The following LEMD3 variants were observed in gnomAD, a reference collection of about 807,000 sequenced individuals.
LEMD3 encodes the protein LEM domain containing 3, also known as inner nuclear membrane protein Man1.
A neutral mutation model predicts 95.2 loss-of-function variants in LEMD3; 33 were observed. The ratio of observed to expected loss-of-function variants is 0.35; its 90% CI spans 0.26 to 0.46. The LOEUF (loss-of-function observed/expected upper bound fraction) is 0.46. LEMD3 is among the 20% of genes least tolerant of loss of function. LEMD3 has a pLI of 1.00. For missense variants in LEMD3, 1,210 were observed against 1,192.8 expected (o/e 1.01, Z -0.21); for synonymous variants, 525 against 474.6 (o/e 1.11, Z -1.38).
At chr12:65,222,747 T>A (rs980977885) in intron 4 of LEMD3, among the ~76,000 whole-genome samples, 3 of 152,060 alleles carry the variant, frequency 2.0e-5, no homozygotes, top group African/African-American at 7.2e-5. Context: ...ATTTCTCATT[T>A]GAGATTTTTT....
intron 1 of LEMD3, among the ~76,000 whole-genome samples, chr12:65,172,864 T>C (rs1458429470): frequency 6.6e-6 from 1 of 152,128 alleles, no homozygotes; most frequent in African/African-American, 2.4e-5. Context: ...TAGCTGGGAC[T>C]ACATGCGCGT....
At position 65,240,034 on chromosome 12, in the gene LEMD3, T is replaced by C; in HGVS notation, c.2023+4T>C. The C allele has an allele frequency of 1.3e-6, 2 of 1,586,342 alleles. No homozygotes were observed. The highest frequency in any genetic ancestry group is 1.7e-6 in the Non-Finnish European group (2 of 1,154,818). ...GATATGGTGGTAAAGATTATAGGTA[T>C]GATATTTGTAAGAATCTCAACTATT... On this transcript the variant is annotated splice_donor_region_variant and intron_variant, in intron 7 of 12. Transcript: ENST00000308330.
At chr12:65,202,297 C>T (rs1384919429) in intron 1 of LEMD3, among the ~76,000 whole-genome samples, 5 of 152,016 alleles carry the variant, frequency 3.3e-5, no homozygotes, top group East Asian at 1.9e-4. Flanking sequence ...GGATTACAGG[C>T]GTGAACCACT....
chr12:65,187,182 A>G (rs936563747), intron 1 of LEMD3, among the ~76,000 whole-genome samples: 7 of 152,266 alleles, frequency 4.6e-5, no homozygotes, highest in Admixed American at 4.6e-4. Flanking sequence ...ACTTTAGGCA[A>G]TATTAGCTAC....
At chr12:65,213,573 GAGCTT>G (rs1379451509) in intron 2 of LEMD3, among the ~76,000 whole-genome samples, 1 of 152,144 alleles carries the variant, frequency 6.6e-6, no homozygotes, top group African/African-American at 2.4e-5. Flanking sequence ...AACTATAGTT[GAGCTT>G]TCTGAGTTCT....
chr12:65,169,963 G>C lies in LEMD3; in HGVS notation c.367G>C (p.Gly123Arg). The C allele has an allele frequency of 1.4e-6, 2 of 1,460,192 alleles. No homozygotes were observed. The highest frequency in any genetic ancestry group is 2.9e-5 in the Admixed American group (1 of 34,648). The allele number at this position is 1,460,192 out of a possible 1,614,324, so 90.5% of individuals were successfully genotyped here. A position where few individuals can be genotyped will look rare whatever the true frequency, so the allele number is the denominator to read the frequency against. Residue 123 changes from glycine to arginine, a missense_variant, in exon 1 of 13, where the codon GGG becomes CGG. Gly to Arg is a moderately radical substitution (Grantham distance 125). This residue lies in a region of LEMD3 where 749 missense variants were observed against 622.9 expected (regional missense o/e 1.20). Coordinates refer to ENST00000308330, the MANE Select transcript of LEMD3 (RefSeq NM_014319.5). ...CCCAGAGAGCCTCCTGGGAGGGCCC[G>C]GGGGCGCCTCCGCCGCCCCCGCGGC... ...SGPESLLGGP[G>R]GASAAPAAGS...
intron 4 of LEMD3, among the ~76,000 whole-genome samples, chr12:65,238,044 G>A (rs1252871093): frequency 6.6e-6 from 1 of 152,118 alleles, no homozygotes; most frequent in African/African-American, 2.4e-5. Flanking sequence ...CAAGGCTGGC[G>A]GATCACTTGA....
chr12:65,203,537 T>C (rs1166091815), intron 1 of LEMD3, among the ~76,000 whole-genome samples: 1 of 152,192 alleles, frequency 6.6e-6, no homozygotes. Flanking sequence ...AAATTTGTTA[T>C]GGCATGTTTT....
intron 1 of LEMD3, among the ~76,000 whole-genome samples, chr12:65,204,143 A>G (rs75507921): frequency 1.3e-5 from 2 of 151,448 alleles, no homozygotes; most frequent in African/African-American, 2.4e-5. Context: ...AATGTCATCA[A>G]TAGCTTCTAA....
rs1159542782 is a variant in LEMD3, at chr12:65,174,261, A to AG, written c.1522+3148dup. On this transcript the variant is annotated intron_variant, in intron 1 of 12. Transcript: ENST00000308330. Reference sequence around the variant, plus strand: ...TCTCTTCTTCCTCATCTATAAAACTAGGGGGTTGGATTAGATGATCCCTAA... The same window carrying AG: ...TCTCTTCTTCCTCATCTATAAAACTAGGGGGGTTGGATTAGATGATCCCTAA... Among the ~76,000 whole-genome samples the AG allele has an allele frequency of 3.9e-5, 6 of 152,124 alleles. 1 individual carries two copies. Among genetic ancestry groups the AG allele is most frequent in the Admixed American group, 6.5e-5 (1 of 15,272 alleles).
chr12:65,186,837 A>G (rs1031004453), intron 1 of LEMD3, among the ~76,000 whole-genome samples: 7 of 152,060 alleles, frequency 4.6e-5, no homozygotes, highest in Non-Finnish European at 7.4e-5. Flanking sequence ...GCAAGATTAA[A>G]TAGGCTATAG....
At chr12:65,231,842 A>G (rs1398588843) in intron 4 of LEMD3, among the ~76,000 whole-genome samples, 4 of 151,856 alleles carry the variant, frequency 2.6e-5, no homozygotes, top group Non-Finnish European at 5.9e-5. Context: ...TTTATTATAA[A>G]TATTTTATAC....
intron 2 of LEMD3, among the ~76,000 whole-genome samples, chr12:65,214,464 A>G (rs1417336701): frequency 1.3e-5 from 2 of 152,340 alleles, no homozygotes; most frequent in Admixed American, 6.5e-5. Context: ...ATCTCAGTCA[A>G]CCGTCTGACA....
At chr12:65,221,202 T>G (rs1266762192) in intron 4 of LEMD3, among the ~76,000 whole-genome samples, 1 of 151,744 alleles carries the variant, frequency 6.6e-6, no homozygotes, top group Non-Finnish European at 1.5e-5. Flanking sequence ...TTTTGTAGTT[T>G]TCAGTGTATA....
chr12:65,207,912 A>C (rs1009628731), intron 1 of LEMD3, among the ~76,000 whole-genome samples: 1 of 152,160 alleles, frequency 6.6e-6, no homozygotes, highest in African/African-American at 2.4e-5. Flanking sequence ...ATTTGAGAAA[A>C]GATCAGTAAA....
chr12:65,233,530 T>C (rs1488029862), intron 4 of LEMD3, among the ~76,000 whole-genome samples: 1 of 152,184 alleles, frequency 6.6e-6, no homozygotes. Context: ...TGTTCAGCAT[T>C]GTGGATTTCT....
At chr12:65,172,661 C>T (rs541587500) in intron 1 of LEMD3, among the ~76,000 whole-genome samples, 1 of 151,718 alleles carries the variant, frequency 6.6e-6, no homozygotes, top group East Asian at 1.9e-4. Context: ...AATTAAATGA[C>T]ATTACCTATC....
intron 3 of LEMD3, 57 bp from the exon 4 acceptor site, chr12:65,218,494 GT>G: frequency 1.0e-6 from 1 of 999,214 alleles, no homozygotes; most frequent in Non-Finnish European, 1.5e-6. Flanking sequence ...AATTATGTTT[GT>G]TTTCTTCTGT....
At chr12:65,231,171 G>A (rs186168831) in intron 4 of LEMD3, among the ~76,000 whole-genome samples, 1 of 152,046 alleles carries the variant, frequency 6.6e-6, no homozygotes, top group East Asian at 1.9e-4. Context: ...ATGTATGTGT[G>A]TTTTTGTTAC....
Sources: allele counts gnomAD v4.1 joint callset (sites outside exome capture counted in the v4.1 genomes callset), GRCh38; gene constraint gnomAD v4.1.1; regional missense constraint gnomAD v4.1.1; transcripts MANE v1.5; gene names NCBI Gene and HGNC (gene_info 2026-07-23, HGNC 2026-07-21).